Variants in SYNPO2 observed in about 807,000 individuals in gnomAD.
SYNPO2 encodes synaptopodin-2.
Under a neutral mutation model 85.0 loss-of-function variants are expected in SYNPO2, and 56 were observed. That is an observed-to-expected ratio of 0.66 (90% CI 0.53 to 0.82). The LOEUF is 0.82. Among genes scored for constraint, SYNPO2 ranks in the 40% least tolerant of loss-of-function variants. The pLI is 0.00. For missense variants in SYNPO2, 1,575 were observed against 1,534.2 expected (o/e 1.03, Z -0.44); for synonymous variants, 602 against 591.1 (o/e 1.02, Z -0.27).
chr4:119,036,643 A>G lies in SYNPO2; in HGVS notation c.3252+4616A>G, dbSNP rs1334948944. 5 of 985,378 alleles carry G rather than the reference A, an allele frequency of 5.1e-6. No individual in the cohort carries two copies. In the African/African-American group the frequency reaches 8.7e-5, roughly 17 times the overall value. 61.0% of individuals were successfully genotyped at this position (985,378 alleles called of 1,614,324 possible). On this transcript the variant is annotated intron_variant, in intron 4 of 4. Transcript: ENST00000307142. ...TAGTACAAAAATGACAGGTCATCCTATGAGCGTCATGCCAATGAAACCCCA... is the reference window on the plus strand; with the variant it reads ...TAGTACAAAAATGACAGGTCATCCTGTGAGCGTCATGCCAATGAAACCCCA...
chr4:118,971,300 A>G (rs17050205), intron 1 of SYNPO2, among the ~76,000 whole-genome samples: 15,876 of 152,258 alleles, frequency 0.1, 870 homozygotes, highest in East Asian at 0.16. Flanking sequence ...AAGAACAAGG[A>G]GCCAGAATCC....
intron 1 of SYNPO2, among the ~76,000 whole-genome samples, chr4:119,022,512 GTTTTTTTT>G (rs778146297): frequency 0.18 from 15,778 of 87,078 alleles, 1,385 homozygotes; most frequent in Middle Eastern, 0.35. Context: ...TTTTTTGTAG[GTTTTTTTT>G]TTTTTTTTTT....
At chr4:118,897,692 A>C (rs945334647) in intron 1 of SYNPO2, among the ~76,000 whole-genome samples, 2 of 152,214 alleles carry the variant, frequency 1.3e-5, no homozygotes, top group African/African-American at 4.8e-5. Context: ...TCCCCATTAC[A>C]GGGGCACAAA....
chr4:118,853,097 T>A (rs1446274560), intron 1 of SYNPO2, among the ~76,000 whole-genome samples: 1 of 152,216 alleles, frequency 6.6e-6, no homozygotes, highest in Non-Finnish European at 1.5e-5. Flanking sequence ...TTCTTTGATG[T>A]AAGAGGATCA....
chr4:119,002,857 T>TAGGCTATATTCC (rs1283819459), intron 1 of SYNPO2, among the ~76,000 whole-genome samples: 1 of 152,110 alleles, frequency 6.6e-6, no homozygotes, highest in Non-Finnish European at 1.5e-5. Context: ...TATAGCATTC[T>TAGGCTATATTCC]AGGCTATTGA....
chr4:118,961,598 T>C (rs1197844753), intron 1 of SYNPO2, among the ~76,000 whole-genome samples: 1 of 152,224 alleles, frequency 6.6e-6, no homozygotes, highest in East Asian at 1.9e-4. Context: ...TATTTTTAAC[T>C]TCCTATATAG....
chr4:118,929,393 T>G (rs943557870), intron 1 of SYNPO2, among the ~76,000 whole-genome samples: 1 of 152,114 alleles, frequency 6.6e-6, no homozygotes, highest in Non-Finnish European at 1.5e-5. Context: ...CATAAAGAAT[T>G]CTGAGTATCC....
In SYNPO2 at chr4:119,045,047, A is replaced by G. The variant is rs115937110; in HGVS notation, c.3253-12354A>G. Among the ~76,000 whole-genome samples the G allele has an allele frequency of 3.6e-3, 541 of 152,360 alleles. 3 individuals are homozygous for G. The highest frequency in any genetic ancestry group is 0.013 in the African/African-American group (529 of 41,596). On this transcript the variant is annotated intron_variant, in intron 4 of 4. Transcript: ENST00000307142. ...GCAGAGGCCAAATCAAGTTTGTTACATGGTATGCACACATTTCTTAAGAAT... is the reference window on the plus strand; with the variant it reads ...GCAGAGGCCAAATCAAGTTTGTTACGTGGTATGCACACATTTCTTAAGAAT...
chr4:119,034,528 T>C (rs1738422953), intron 4 of SYNPO2: 1 of 985,372 alleles, frequency 1.0e-6, no homozygotes, highest in African/African-American at 1.7e-5. Context: ...TCCAAAACCT[T>C]GTAAGAGGCA....
In SYNPO2 at chr4:119,030,465, G is replaced by A; in HGVS notation, c.1690G>A (p.Val564Ile). 1.9e-6 allele frequency: 3 copies of A among 1,614,142 alleles called. No individual in the cohort carries two copies. Among genetic ancestry groups the A allele is most frequent in the Non-Finnish European group, 2.5e-6 (3 of 1,180,030 alleles). Residue 564 changes from valine to isoleucine, a missense_variant, in exon 4 of 5, where the codon GTT becomes ATT. By Grantham distance (29) the Val-to-Ile change is conservative. Transcript: ENST00000307142. The stretch of plus-strand genomic sequence containing the variant: ...CGAGGTGAGTCATGGTCTTGGCCAT[G>A]TTCCCCAACAGAATGGCTTCAGTGG... ...YIEVSHGLGH[V>I]PQQNGFSGTS...
At chr4:118,895,216 C>G (rs1732512710) in intron 1 of SYNPO2, among the ~76,000 whole-genome samples, 1 of 152,124 alleles carries the variant, frequency 6.6e-6, no homozygotes, top group African/African-American at 2.4e-5. Context: ...CTATCTGACT[C>G]TAAACTCTTT....
At chr4:118,872,909 T>C (rs1417081664) in intron 1 of SYNPO2, among the ~76,000 whole-genome samples, 1 of 152,180 alleles carries the variant, frequency 6.6e-6, no homozygotes, top group Non-Finnish European at 1.5e-5. Context: ...CACCTATAAG[T>C]GAGAACATGC....
chr4:119,004,596 T>C (rs1183598539), intron 1 of SYNPO2, among the ~76,000 whole-genome samples: 2 of 147,394 alleles, frequency 1.4e-5, no homozygotes, highest in Non-Finnish European at 3.0e-5. Context: ...ATGGGGTATA[T>C]GTGCCACATT....
chr4:118,894,896 T>A (rs769912909), intron 1 of SYNPO2, among the ~76,000 whole-genome samples: 1 of 151,606 alleles, frequency 6.6e-6, no homozygotes. Flanking sequence ...TTATGCCCAG[T>A]CAAATTTTCA....
intron 1 of SYNPO2, among the ~76,000 whole-genome samples, chr4:119,012,815 G>C (rs1737376417): frequency 6.6e-6 from 1 of 152,058 alleles, no homozygotes; most frequent in Non-Finnish European, 1.5e-5. Flanking sequence ...ACTTGGGTTG[G>C]TTCCAAGTCT....
At chr4:119,047,552 G>A (rs1738908586) in intron 4 of SYNPO2, among the ~76,000 whole-genome samples, 1 of 134,680 alleles carries the variant, frequency 7.4e-6, no homozygotes, top group Admixed American at 7.3e-5. Flanking sequence ...TCCAGTTAGT[G>A]GAGGTAAACT....
intron 1 of SYNPO2, among the ~76,000 whole-genome samples, chr4:118,972,492 C>T (rs1473528498): frequency 6.6e-6 from 1 of 152,176 alleles, no homozygotes; most frequent in African/African-American, 2.4e-5. Context: ...ATCTGATTCC[C>T]TTACATTTCC....
At chr4:118,957,009 C>T (rs932493304) in intron 1 of SYNPO2, among the ~76,000 whole-genome samples, 1 of 151,632 alleles carries the variant, frequency 6.6e-6, no homozygotes, top group Non-Finnish European at 1.5e-5. Context: ...TGCACCAGTA[C>T]ACTCCAGCCT....
At chr4:119,057,216 CTT>C (rs975769533) in intron 4 of SYNPO2, among the ~76,000 whole-genome samples, 183 bp from the exon 5 acceptor site, 1 of 152,126 alleles carries the variant, frequency 6.6e-6, no homozygotes, top group Non-Finnish European at 1.5e-5. Context: ...ACTTGGCCCA[CTT>C]TTGCAAAGGT....
Sources: gnomAD v4.1 joint callset for allele counts (sites outside exome capture counted in the v4.1 genomes callset) on GRCh38, gnomAD v4.1.1 for gene constraint, MANE v1.5 for transcripts, NCBI Gene and HGNC (gene_info 2026-07-23, HGNC 2026-07-21) for gene names.